Variants in USP46 observed in about 807,000 individuals in gnomAD.
USP46 encodes the protein ubiquitin carboxyl-terminal hydrolase 46.
Under a neutral mutation model 44.4 loss-of-function variants are expected in USP46, and 12 were observed. The ratio of observed to expected loss-of-function variants is 0.27; its 90% CI spans 0.17 to 0.44. USP46 has a LOEUF of 0.44. Ranked by LOEUF, USP46 falls within the 20% of genes least tolerant of loss-of-function variation. The probability of loss-of-function intolerance (pLI) is 1.00; values close to 1 mark genes in which losing one functional copy is unlikely to be tolerated. For missense variants in USP46, 248 were observed against 444.8 expected, an observed-to-expected ratio of 0.56 and a Z score of 3.98; for synonymous variants, 155 against 161.5, an observed-to-expected ratio of 0.96 and a Z score of 0.31.
chr4:52,597,995 C>A (rs1029408573), intron 8 of USP46, among the ~76,000 whole-genome samples: 1 of 152,186 alleles, frequency 6.6e-6, no homozygotes, highest in Admixed American at 6.5e-5. Flanking sequence ...CTTTGAAGAA[C>A]AAGCCAAGAC....
chr4:52,640,598 C>T (rs1458877453), intron 1 of USP46, among the ~76,000 whole-genome samples: 1 of 151,452 alleles, frequency 6.6e-6, no homozygotes, highest in East Asian at 1.9e-4. Flanking sequence ...GTTGGGAGTT[C>T]GAGACCAGCC....
intron 5 of USP46, among the ~76,000 whole-genome samples, chr4:52,608,249 A>G (rs543147435): frequency 6.6e-6 from 1 of 152,380 alleles, no homozygotes; most frequent in African/African-American, 2.4e-5. Context: ...TTTTGTAAAC[A>G]CAGCTATCGT....
At chr4:52,629,346 G>T (rs574279975) in intron 2 of USP46, among the ~76,000 whole-genome samples, 1 of 152,278 alleles carries the variant, frequency 6.6e-6, no homozygotes, top group South Asian at 2.1e-4. Flanking sequence ...GAACATAAAT[G>T]AAGCTATTAA....
rs1716055229 is a variant in USP46, at chr4:52,592,429, T to A, written c.*5211A>T. ...TCTGTGTCTCCACCCAAATCCCATG[T>A]TGAATTGTAATCCCCAGTGTTGGAG... On this transcript the variant is annotated 3_prime_UTR_variant, in exon 9 of 9. Transcript: ENST00000441222. 1 of 153,794 alleles carries A rather than the reference T, an allele frequency of 6.5e-6. No individual in the cohort carries two copies. Among genetic ancestry groups the A allele is most frequent in the African/African-American group, 2.4e-5 (1 of 41,554 alleles). The allele number at this position is 153,794 out of a possible 1,614,324, so 9.5% of individuals were successfully genotyped here. A position where few individuals can be genotyped will look rare whatever the true frequency, so the allele number is the denominator to read the frequency against.
rs778338132 is a variant in USP46, at chr4:52,631,044, A to T, written c.117+20T>A. On this transcript the variant is annotated intron_variant, in intron 2 of 8. Transcript: ENST00000441222. ...ATACCCTAAAACATTTGATGAAAATAATACATTTTACATACTTACATTGAC... is the reference window on the plus strand; with the variant it reads ...ATACCCTAAAACATTTGATGAAAATTATACATTTTACATACTTACATTGAC... 9 of 1,546,118 alleles carry T rather than the reference A, an allele frequency of 5.8e-6. No individual in the cohort carries two copies. In the East Asian group the frequency reaches 2.2e-4, roughly 37 times the overall value.
intron 4 of USP46, 142 bp from the exon 5 acceptor site, chr4:52,610,759 C>T (rs1716907884): frequency 1.5e-6 from 1 of 670,186 alleles, no homozygotes; most frequent in Admixed American, 2.8e-5. Context: ...TCATTGGCAC[C>T]CAGTTACCTC....
At chr4:52,646,445 G>C (rs976659883) in intron 1 of USP46, among the ~76,000 whole-genome samples, 1 of 152,130 alleles carries the variant, frequency 6.6e-6, no homozygotes, top group Non-Finnish European at 1.5e-5. Context: ...AAAAACATGA[G>C]TAAGTTGTTC....
chr4:52,645,011 C>T (rs1718492345), intron 1 of USP46, among the ~76,000 whole-genome samples: 2 of 151,940 alleles, frequency 1.3e-5, no homozygotes, highest in African/African-American at 2.4e-5. Context: ...GAGCTGACAT[C>T]GTGCCATTGC....
chr4:52,633,785 AC>A (rs1197633893), intron 1 of USP46, among the ~76,000 whole-genome samples: 7 of 152,316 alleles, frequency 4.6e-5, no homozygotes, highest in South Asian at 4.1e-4. Flanking sequence ...GATGACTCAT[AC>A]TAAGGATGGC....
At position 52,659,227 on chromosome 4, in the gene USP46, C is replaced by G. The variant is rs553460550; in HGVS notation, c.-77G>C. On this transcript the variant is annotated 5_prime_UTR_variant, in exon 1 of 9. Transcript: ENST00000441222. This position sits in a 1 kb window ranked among gnomAD's most constrained non-coding sequence, Gnocchi z 4.2. ...GGGACTGCCCATGGTGGCGCGCTGG[C>G]GGGGAGGCCGGGCGGCAGCGCGGCG... is the stretch of plus-strand genomic sequence containing the variant. 9.6e-6 allele frequency: 12 copies of G among 1,255,848 alleles called. No individual in the cohort carries two copies. The highest frequency in any genetic ancestry group is 1.2e-5 in the Non-Finnish European group (12 of 970,906). 77.8% of individuals were successfully genotyped at this position (1,255,848 alleles called of 1,614,324 possible). A position where few individuals can be genotyped will look rare whatever the true frequency, so the allele number is the denominator to read the frequency against.
At position 52,631,071 on chromosome 4, in the gene USP46, A is replaced by C. The variant is rs1370250252; in HGVS notation, c.110T>G (p.Leu37Trp). Residue 37 changes from leucine to tryptophan, a missense_variant, in exon 2 of 9, where the codon TTG becomes TGG. By Grantham distance (61) the Leu-to-Trp change is moderately conservative. Coordinates refer to ENST00000441222, the MANE Select transcript of USP46 (RefSeq NM_022832.4). ...QFPINEHYFG[L>W]VNFGNTCYCN... is the part of the protein sequence containing the mutation. ...TACATTTTACATACTTACATTGACC[A>C]ATCCGAAATAGTGTTCATTGATTGG... The C allele has an allele frequency of 6.4e-7, 1 of 1,563,924 alleles. No individual in the cohort carries two copies. Among genetic ancestry groups the C allele is most frequent in the Admixed American group, 1.9e-5 (1 of 52,486 alleles).
At chr4:52,610,395 C>A in intron 5 of USP46, 146 bp downstream of exon 5, 2 of 697,504 alleles carry the variant, frequency 2.9e-6, no homozygotes, top group South Asian at 2.3e-5. Flanking sequence ...ACCACATAAT[C>A]GCTCTTGGGA....
In USP46 at chr4:52,628,047, C is replaced by T. The variant is rs1431406028; in HGVS notation, c.234G>A (p.Thr78=). The change falls in exon 3 of 9, where the codon ACG becomes ACA. Residue 78 remains threonine, a synonymous_variant. Coordinates refer to ENST00000441222, the MANE Select transcript of USP46 (RefSeq NM_022832.4). ...TGCTGTGGAAAAGGTCCGCCAGGCA[C>T]GTCAGCAAGTTTTCCTTCTTCTTTT... ...AQQKKKENLL[T]CLADLFHSIA... 1.2e-5 allele frequency: 20 copies of T among 1,613,832 alleles called. No individual in the cohort carries two copies. Among genetic ancestry groups the T allele is most frequent in the African/African-American group, 4.0e-5 (3 of 74,932 alleles).
At chr4:52,602,839 C>T (rs1485541106) in intron 6 of USP46, among the ~76,000 whole-genome samples, 2 of 150,108 alleles carry the variant, frequency 1.3e-5, no homozygotes, top group Non-Finnish European at 2.9e-5. Context: ...ACTTCCCAAA[C>T]TTATATAAAC....
intron 2 of USP46, among the ~76,000 whole-genome samples, chr4:52,628,794 T>C (rs1717699253): frequency 6.6e-6 from 1 of 152,204 alleles, no homozygotes; most frequent in Admixed American, 6.5e-5. Context: ...CCTCTGGACT[T>C]CTAAATGGCC....
At chr4:52,636,705 C>CAAAA (rs1182691689) in intron 1 of USP46, among the ~76,000 whole-genome samples, 9 of 36,150 alleles carry the variant, frequency 2.5e-4, no homozygotes, top group African/African-American at 7.2e-4. Flanking sequence ...GACTCTGTCT[C>CAAAA]AAAAAAAAAA....
At chr4:52,638,718 T>G (rs1188488184) in intron 1 of USP46, among the ~76,000 whole-genome samples, 1 of 151,772 alleles carries the variant, frequency 6.6e-6, no homozygotes, top group Non-Finnish European at 1.5e-5. Flanking sequence ...TGCCCAATAC[T>G]GCGTTCTCAG....
rs139135004 is a variant in USP46 at position 52,627,901 on chromosome 4, A to G, written c.331+49T>C. ...CTTTTGAGGAGATACAGAACCATCA[A>G]TTCTCCTTATTTCAGAGGCTTAAAT... is the stretch of plus-strand genomic sequence containing the variant. On this transcript the variant is annotated intron_variant, in intron 3 of 8. Coordinates refer to ENST00000441222, the MANE Select transcript of USP46 (RefSeq NM_022832.4). 12,025 of 1,550,762 alleles carry G rather than the reference A, an allele frequency of 7.8e-3. 80 individuals carry two copies. The highest frequency in any genetic ancestry group is 0.01 in the South Asian group (863 of 84,168).
At chr4:52,618,013 A>C (rs940633306) in intron 4 of USP46, among the ~76,000 whole-genome samples, 2 of 152,248 alleles carry the variant, frequency 1.3e-5, no homozygotes, top group Admixed American at 1.3e-4. Context: ...TTAACTACAA[A>C]TCAGTTAGTA....
Sources: gnomAD v4.1 joint callset for allele counts (sites outside exome capture counted in the v4.1 genomes callset) on GRCh38, gnomAD v4.1.1 for gene constraint, Gnocchi (gnomAD v3.1) non-coding constraint, MANE v1.5 for transcripts, NCBI Gene and HGNC (gene_info 2026-07-23, HGNC 2026-07-21) for gene names.